CNGB1: variants seen among roughly 807,000 people sequenced by gnomAD.
CNGB1 encodes cyclic nucleotide-gated channel beta-1.
In CNGB1, 126 loss-of-function variants were observed where a neutral mutation model predicts 151.7. That is an observed-to-expected ratio of 0.83 (90% CI 0.72 to 0.96). The LOEUF (loss-of-function observed/expected upper bound fraction) is 0.96, where lower values mean the gene tolerates loss of function less well. Ranked by LOEUF, CNGB1 falls within the 40% of genes least tolerant of loss-of-function variation. The pLI is 0.00. For synonymous variants in CNGB1, 623 were observed against 635.1 expected (o/e 0.98, Z 0.29); for missense variants, 1,698 against 1,627.0 (o/e 1.04, Z -0.75).
At chr16:57,925,443 C>T (rs938437799) in intron 17 of CNGB1, among the ~76,000 whole-genome samples, 14 of 152,142 alleles carry the variant, frequency 9.2e-5, no homozygotes, top group African/African-American at 3.1e-4. Context: ...GCAAGAGAAA[C>T]TTGGCTGTGG....
intron 16 of CNGB1, among the ~76,000 whole-genome samples, chr16:57,934,072 T>G (rs2149373403): frequency 6.6e-6 from 1 of 152,172 alleles, no homozygotes; most frequent in South Asian, 2.1e-4. Context: ...CGGCACTCTG[T>G]TAAATTGCTT....
At chr16:57,957,277 G>C (rs1962113131) in intron 12 of CNGB1, 64 bp downstream of exon 12, 1 of 1,510,040 alleles carries the variant, frequency 6.6e-7, no homozygotes, top group Non-Finnish European at 9.2e-7. Flanking sequence ...CATACAGTCA[G>C]ACCCAAGGAC....
intron 25 of CNGB1, among the ~76,000 whole-genome samples, 163 bp from the exon 26 acceptor site, chr16:57,905,038 C>T (rs1417037601): frequency 2.6e-5 from 4 of 152,108 alleles, no homozygotes; most frequent in Non-Finnish European, 5.9e-5. Context: ...GTGTAGAGCA[C>T]GTTGCCGTTT....
At chr16:57,901,180 CT>C (rs1960374796) in intron 29 of CNGB1, among the ~76,000 whole-genome samples, 171 bp downstream of exon 29, 1 of 152,126 alleles carries the variant, frequency 6.6e-6, no homozygotes, top group Admixed American at 6.5e-5. Flanking sequence ...TCCTAATCCG[CT>C]CCTGCTCTTG....
At chr16:57,935,915 A>G (rs1377539375) in intron 16 of CNGB1, among the ~76,000 whole-genome samples, 1 of 152,072 alleles carries the variant, frequency 6.6e-6, no homozygotes, top group Non-Finnish European at 1.5e-5. Context: ...GCCCACCTCA[A>G]GCCAGGGAGA....
rs1038849517 is a variant in CNGB1 at position 57,957,397 on chromosome 16, A to T, written c.838-20T>A. 28 of 1,613,582 alleles carry T rather than the reference A, an allele frequency of 1.7e-5. No homozygotes were observed. The highest frequency in any genetic ancestry group is 2.4e-5 in the Non-Finnish European group (28 of 1,179,462). On this transcript the variant is annotated intron_variant, in intron 11 of 32. Coordinates refer to ENST00000251102, the MANE Select transcript of CNGB1 (RefSeq NM_001297.5). The stretch of plus-strand genomic sequence containing the variant: ...AGGCTCCTGCATGGAGAGAGAAAAA[A>T]GGGAAAATCCTGCCACGGCCTCTTC...
intron 12 of CNGB1, 44 bp downstream of exon 12, chr16:57,957,288 ACCAAGCAAC>A (rs1287646793): frequency 1.1e-5 from 17 of 1,568,350 alleles, no homozygotes; most frequent in Non-Finnish European, 1.5e-5. Context: ...ACCCAAGGAC[ACCAAGCAAC>A]CCTTCCTAAT....
At chr16:57,958,707 C>T (rs994799562) in intron 10 of CNGB1, among the ~76,000 whole-genome samples, 191 of 150,494 alleles carry the variant, frequency 1.3e-3, no homozygotes, top group African/African-American at 4.3e-3. Context: ...CTCGGCCTCC[C>T]CCCACCCTCC....
Position 57,960,888 on chromosome 16 carries a change from C to T in CNGB1, c.486G>A (p.Leu162=). ...TRPGLRLLLW[L]EQNLERVLPQ... ...GAAGCACTCTTTCCAGATTCTGCTC[C>T]AGCCACAGAAGCAGCCGCAGCCCAG... The change falls in exon 8 of 33, where the codon CTG becomes CTA. Residue 162 remains leucine (L), a synonymous_variant. Transcript: ENST00000251102. The T allele has an allele frequency of 6.2e-7, 1 of 1,614,142 alleles. No individual in the cohort carries two copies.
intron 16 of CNGB1, among the ~76,000 whole-genome samples, chr16:57,937,928 A>G (rs895607418): frequency 9.9e-5 from 15 of 152,210 alleles, no homozygotes; most frequent in Admixed American, 3.9e-4. Context: ...GGTGATTCCA[A>G]TGGGCTGTCA....
At chr16:57,899,658 A>G (rs1960332714) in intron 29 of CNGB1, among the ~76,000 whole-genome samples, 3 of 152,116 alleles carry the variant, frequency 2.0e-5, no homozygotes, top group South Asian at 2.1e-4. Flanking sequence ...AAACAAACAA[A>G]CAAATAAATA....
intron 17 of CNGB1, among the ~76,000 whole-genome samples, chr16:57,930,589 G>T (rs956288466): frequency 4.7e-5 from 7 of 149,770 alleles, no homozygotes; most frequent in Middle Eastern, 3.4e-3. Context: ...GGGGAAGAAA[G>T]GAAGGAAAAA....
intron 31 of CNGB1, among the ~76,000 whole-genome samples, chr16:57,894,292 AAAG>A (rs1459873800): frequency 2.0e-5 from 3 of 152,218 alleles, no homozygotes; most frequent in Non-Finnish European, 4.4e-5. Context: ...TTTGTGTAAG[AAAG>A]AAGAAGAAAT....
Position 57,931,698 on chromosome 16 carries a change from A to C in CNGB1, c.1535+18T>G, listed in dbSNP as rs1295293161. On this transcript the variant is annotated intron_variant, in intron 17 of 32. Transcript: ENST00000251102. ...GGCACAGTGCCGAGAAAAGCCCAAG[A>C]GAAGCATAAAAGGTAACCTGTGTGT... is the stretch of plus-strand genomic sequence containing the variant. 3.7e-6 allele frequency: 6 copies of C among 1,613,736 alleles called. No homozygotes were observed. The highest frequency in any genetic ancestry group is 5.1e-6 in the Non-Finnish European group (6 of 1,179,906).
intron 32 of CNGB1, among the ~76,000 whole-genome samples, chr16:57,885,572 CTCTCTCTTTCTTTCTT>C (rs1378623216): frequency 2.0e-5 from 2 of 100,938 alleles, no homozygotes; most frequent in African/African-American, 4.2e-5. Context: ...CTCTCTCTCT[CTCTCTCTTTCTTTCTT>C]TCTTTCTTTC....
chr16:57,917,230 G>GC (rs1665927884), intron 21 of CNGB1, 38 bp downstream of exon 21: 3 of 1,571,798 alleles, frequency 1.9e-6, no homozygotes, highest in Admixed American at 1.8e-5. Flanking sequence ...TGAGCGGTCT[G>GC]CCCCCGGTCA....
At chr16:57,935,940 C>A (rs1281795513) in intron 16 of CNGB1, among the ~76,000 whole-genome samples, 1 of 152,114 alleles carries the variant, frequency 6.6e-6, no homozygotes, top group Non-Finnish European at 1.5e-5. Flanking sequence ...AGAAGGACAA[C>A]AGTGGACGTC....
Position 57,915,221 on chromosome 16 carries a change from C to T in CNGB1, c.2304+28G>A. 7 of 1,586,632 alleles carry T rather than the reference C, an allele frequency of 4.4e-6. No homozygotes were observed. In the South Asian group the frequency reaches 6.7e-5, roughly 15 times the overall value. On this transcript the variant is annotated intron_variant, in intron 23 of 32. Transcript: ENST00000251102. The stretch of plus-strand genomic sequence containing the variant: ...GTGCAGAGCAGGGATGAGCTGAAGG[C>T]CTGGGGTGGTGGGCCCAGCAGTCCT...
intron 16 of CNGB1, among the ~76,000 whole-genome samples, chr16:57,936,799 C>CAAAAA (rs11400925): frequency 1.0e-3 from 130 of 128,774 alleles, no homozygotes; most frequent in African/African-American, 3.3e-3. Context: ...AACAAACAAA[C>CAAAAA]AAAAAAAAAA....
Sources: allele counts gnomAD v4.1 joint callset (sites outside exome capture counted in the v4.1 genomes callset), GRCh38; gene constraint gnomAD v4.1.1; transcripts MANE v1.5; gene names NCBI Gene and HGNC (gene_info 2026-07-23, HGNC 2026-07-21).